The following HLCS variants were observed in gnomAD, a reference collection of about 807,000 sequenced individuals.
The protein encoded by HLCS is holocarboxylase synthetase.
In HLCS, 53 loss-of-function variants were observed where a neutral mutation model predicts 75.0. The ratio of observed to expected loss-of-function variants is 0.71; its 90% confidence interval spans 0.57 to 0.89. The LOEUF (loss-of-function observed/expected upper bound fraction) is 0.89, where lower values mean the gene tolerates loss of function less well. HLCS is among the 40% of genes least tolerant of loss of function. The pLI, the probability that HLCS is intolerant of heterozygous loss-of-function variation, is 0.00. For synonymous variants in HLCS, 431 were observed against 428.6 expected (o/e 1.01, Z -0.07); for missense variants, 966 against 1,074.0 (o/e 0.90, Z 1.41).
intron 6 of HLCS, among the ~76,000 whole-genome samples, chr21:36,794,254 C>A (rs1309544427): frequency 6.6e-6 from 1 of 152,122 alleles, no homozygotes; most frequent in Non-Finnish European, 1.5e-5. Flanking sequence ...GTGTGCAAGG[C>A]GGTGGGAGAG....
chr21:36,948,502 G>A (rs1224471954), intron 2 of HLCS, among the ~76,000 whole-genome samples: 1 of 151,624 alleles, frequency 6.6e-6, no homozygotes, highest in East Asian at 1.9e-4. Flanking sequence ...GCCGAGGCAG[G>A]AAGGATCGCT....
At chr21:36,852,290 T>C (rs2835496) in intron 6 of HLCS, among the ~76,000 whole-genome samples, 41,984 of 152,176 alleles carry the variant, frequency 0.28, 6,837 homozygotes, top group African/African-American at 0.45. Flanking sequence ...CAGCTGTTAG[T>C]AAATCTAAAG....
chr21:36,890,933 TG>T (rs1242946367), intron 6 of HLCS, among the ~76,000 whole-genome samples: 1 of 152,204 alleles, frequency 6.6e-6, no homozygotes, highest in Admixed American at 6.5e-5. Context: ...TCTGAAAAAC[TG>T]AAAGTACATG....
At chr21:36,780,589 T>C (rs993970884) in intron 6 of HLCS, among the ~76,000 whole-genome samples, 2 of 152,184 alleles carry the variant, frequency 1.3e-5, no homozygotes, top group East Asian at 3.9e-4. Flanking sequence ...CACTCTTTTA[T>C]GTATAGGCAT....
intron 6 of HLCS, among the ~76,000 whole-genome samples, chr21:36,781,259 C>CAAA (rs34115036): frequency 8.8e-6 from 1 of 114,084 alleles, no homozygotes; most frequent in Non-Finnish European, 1.8e-5. Flanking sequence ...AACTCTGTCT[C>CAAA]AAAAAAAAAA....
chr21:36,788,961 T>A (rs1260849694), intron 6 of HLCS, among the ~76,000 whole-genome samples: 1 of 152,220 alleles, frequency 6.6e-6, no homozygotes, highest in East Asian at 1.9e-4. Flanking sequence ...TAACTGAGAA[T>A]CTTGATTATC....
chr21:36,943,738 G>A (rs2067254518), intron 2 of HLCS: 1 of 152,038 alleles, frequency 6.6e-6, no homozygotes, highest in Admixed American at 6.6e-5. Flanking sequence ...ATGATCGCTT[G>A]AGCCTGGGAA....
At chr21:36,788,377 CG>C (rs1400941028) in intron 6 of HLCS, among the ~76,000 whole-genome samples, 1 of 152,188 alleles carries the variant, frequency 6.6e-6, no homozygotes, top group Admixed American at 6.5e-5. Context: ...GCTTCTCCAT[CG>C]GAACTTAGGG....
At chr21:36,932,880 G>A (rs2066707998) in intron 4 of HLCS, among the ~76,000 whole-genome samples, 1 of 152,208 alleles carries the variant, frequency 6.6e-6, no homozygotes, top group Admixed American at 6.5e-5. Context: ...CACTTTGGCA[G>A]GCCGAGGCGG....
At chr21:36,939,703 G>A (rs2067055550) in intron 2 of HLCS, among the ~76,000 whole-genome samples, 1 of 152,120 alleles carries the variant, frequency 6.6e-6, no homozygotes, top group African/African-American at 2.4e-5. Context: ...CGTGACACTG[G>A]GGCCTGGAAC....
chr21:36,949,167 C>T (rs916985726), intron 2 of HLCS, among the ~76,000 whole-genome samples: 2 of 152,178 alleles, frequency 1.3e-5, no homozygotes, highest in African/African-American at 4.8e-5. Flanking sequence ...TCATGTGTAA[C>T]AAACCACCCC....
intron 6 of HLCS, among the ~76,000 whole-genome samples, chr21:36,796,052 A>G (rs2061015613): frequency 6.6e-6 from 1 of 152,214 alleles, no homozygotes; most frequent in African/African-American, 2.4e-5. Flanking sequence ...AACTCTAAAC[A>G]CAGCCCATTA....
At chr21:36,818,077 A>AT (rs2061714500) in intron 6 of HLCS, among the ~76,000 whole-genome samples, 1 of 152,262 alleles carries the variant, frequency 6.6e-6, no homozygotes, top group Admixed American at 6.5e-5. Context: ...CAGAAAGGGA[A>AT]TATGAGATCA....
chr21:36,916,789 C>T (rs918860961), intron 5 of HLCS, among the ~76,000 whole-genome samples: 1 of 152,046 alleles, frequency 6.6e-6, no homozygotes, highest in African/African-American at 2.4e-5. Context: ...CACAGCCATA[C>T]GGAACCATCA....
intron 6 of HLCS, among the ~76,000 whole-genome samples, chr21:36,805,837 T>C (rs1369065672): frequency 2.6e-5 from 4 of 152,188 alleles, no homozygotes; most frequent in African/African-American, 9.7e-5. Flanking sequence ...CTTCATGAAG[T>C]AGGAGTTAAA....
chr21:36,865,946 G>T (rs904496319), intron 6 of HLCS, among the ~76,000 whole-genome samples: 1 of 152,168 alleles, frequency 6.6e-6, no homozygotes, highest in African/African-American at 2.4e-5. Context: ...TAAAACTGCT[G>T]TATTTAATTT....
At chr21:36,855,735 C>T (rs1569105978) in intron 6 of HLCS, among the ~76,000 whole-genome samples, 1 of 149,744 alleles carries the variant, frequency 6.7e-6, no homozygotes. Context: ...CGCCACCACA[C>T]CTGGCTAATT....
At chr21:36,811,552 T>A (rs1195096343) in intron 6 of HLCS, among the ~76,000 whole-genome samples, 1 of 152,192 alleles carries the variant, frequency 6.6e-6, no homozygotes, top group Non-Finnish European at 1.5e-5. Context: ...GCATGTCCCA[T>A]CTGCAATGTT....
chr21:36,976,161 G>A (rs1262634088), intron 1 of HLCS, among the ~76,000 whole-genome samples: 4 of 152,232 alleles, frequency 2.6e-5, no homozygotes, highest in Middle Eastern at 3.4e-3. Flanking sequence ...AAGGTTCAAG[G>A]TGCACCACTG....
Sources: gnomAD v4.1 joint callset for allele counts (sites outside exome capture counted in the v4.1 genomes callset) on GRCh38, gnomAD v4.1.1 for gene constraint, MANE v1.5 for transcripts, NCBI Gene and HGNC (gene_info 2026-07-23, HGNC 2026-07-21) for gene names.